HFM1: variants seen among roughly 807,000 people sequenced by gnomAD.
HFM1 encodes the protein probable ATP-dependent DNA helicase HFM1.
Under a neutral mutation model 192.1 loss-of-function variants are expected in HFM1, and 169 were observed. The ratio of observed to expected loss-of-function variants is 0.88; its 90% CI spans 0.78 to 1.00. HFM1 has a LOEUF of 1.00. Among genes scored for constraint, HFM1 ranks in the 50% least tolerant of loss-of-function variants. The probability of loss-of-function intolerance (pLI) is 0.00; values close to 1 mark genes in which losing one functional copy is unlikely to be tolerated. For missense variants in HFM1, 1,661 were observed against 1,668.0 expected (o/e 1.00, Z 0.07); for synonymous variants, 525 against 537.8 (o/e 0.98, Z 0.33).
intron 4 of HFM1, among the ~76,000 whole-genome samples, chr1:91,392,823 T>C (rs1663175355): frequency 6.6e-6 from 1 of 152,146 alleles, no homozygotes. Flanking sequence ...AATAGCCATA[T>C]TTTGTATAAT....
chr1:91,385,370 C>A (rs1172781236), intron 5 of HFM1, 136 bp from the exon 6 acceptor site: 2 of 755,388 alleles, frequency 2.6e-6, no homozygotes. Flanking sequence ...TTATTGAGAG[C>A]AAAGTTAAAA....
At chr1:91,261,586 T>A in intron 38 of HFM1, 1 of 300,292 alleles carries the variant, frequency 3.3e-6, no homozygotes, top group Non-Finnish European at 6.1e-6. Flanking sequence ...TTTCTTTAAA[T>A]ATATTGAAAA....
At chr1:91,383,746 T>C (rs752947200) in intron 6 of HFM1, among the ~76,000 whole-genome samples, 16 of 152,198 alleles carry the variant, frequency 1.1e-4, no homozygotes, top group Non-Finnish European at 1.8e-4. Context: ...TCCTAAAGCA[T>C]AGTTTAAATG....
At chr1:91,404,874 C>G (rs1008345164), upstream of HFM1, 1 of 455,354 alleles carries the variant, frequency 2.2e-6, no homozygotes, top group African/African-American at 2.0e-5. Context: ...CTGGCTAAGC[C>G]GAGCTCCAAG....
intron 30 of HFM1, among the ~76,000 whole-genome samples, chr1:91,301,022 A>T (rs1282961326): frequency 6.6e-6 from 1 of 151,810 alleles, no homozygotes; most frequent in Non-Finnish European, 1.5e-5. Flanking sequence ...ACATGATTGT[A>T]TATCTAGAAA....
intron 20 of HFM1, chr1:91,338,997 A>T: frequency 2.2e-6 from 1 of 455,848 alleles, no homozygotes; most frequent in South Asian, 1.5e-5. Context: ...GCAGCCCAGG[A>T]GCACTGAGCT....
At chr1:91,338,881 C>G (rs1654956818) in intron 20 of HFM1, 1 of 455,380 alleles carries the variant, frequency 2.2e-6, no homozygotes, top group Non-Finnish European at 4.4e-6. Flanking sequence ...TAACCTTCTG[C>G]CACTGCCCCA....
At chr1:91,376,552 T>G (rs1660933075) in intron 11 of HFM1, among the ~76,000 whole-genome samples, 1 of 151,896 alleles carries the variant, frequency 6.6e-6, no homozygotes, top group Admixed American at 6.6e-5. Flanking sequence ...TACTAGTACA[T>G]AATAATTGCT....
intron 13 of HFM1, among the ~76,000 whole-genome samples, chr1:91,353,784 C>CA (rs1385335369): frequency 6.6e-6 from 1 of 150,448 alleles, no homozygotes; most frequent in Non-Finnish European, 1.5e-5. Context: ...ATCTTCCCCA[C>CA]AAAAAAGAGC....
intron 20 of HFM1, among the ~76,000 whole-genome samples, chr1:91,335,921 A>C (rs2101575522): frequency 6.6e-6 from 1 of 152,090 alleles, no homozygotes; most frequent in South Asian, 2.1e-4. Context: ...ACTTTGCCAA[A>C]TGTTCTTAGG....
chr1:91,328,519 C>T, intron 20 of HFM1: 27 of 1,613,278 alleles, frequency 1.7e-5, no homozygotes, highest in Non-Finnish European at 2.1e-5. Context: ...GATTGCTGTT[C>T]GCCAGGGTGG....
chr1:91,294,046 T>C, intron 30 of HFM1, among the ~76,000 whole-genome samples: 1 of 91,782 alleles, frequency 1.1e-5, no homozygotes. Context: ...CTGGGGACTG[T>C]GGTGGGGTGG....
intron 13 of HFM1, among the ~76,000 whole-genome samples, chr1:91,363,240 T>C (rs979426724): frequency 3.4e-4 from 51 of 151,638 alleles, no homozygotes; most frequent in African/African-American, 8.7e-4. Context: ...TGAGAGTAAA[T>C]AGACAACCCA....
At position 91,326,049 on chromosome 1, in the gene HFM1, A is replaced by T. The variant is rs1205048563; in HGVS notation, c.2336-1283T>A. ...AGTGAGCTTGAAGACAGGATATTTG[A>T]AAATACATAGTCAGAGGAGACAAAA... is the stretch of plus-strand genomic sequence containing the variant. On this transcript the variant is annotated intron_variant, in intron 20 of 38. Coordinates refer to ENST00000370425, the MANE Select transcript of HFM1 (RefSeq NM_001017975.6). Among the ~76,000 whole-genome samples, 3 of 152,228 alleles carry T rather than the reference A, an allele frequency of 2.0e-5. No homozygotes were observed. In the East Asian group the frequency reaches 5.8e-4, roughly 29 times the overall value.
At chr1:91,287,132 G>T (rs1366390270) in intron 30 of HFM1, among the ~76,000 whole-genome samples, 1 of 152,216 alleles carries the variant, frequency 6.6e-6, no homozygotes, top group Admixed American at 6.5e-5. Context: ...AAAGCAGCCG[G>T]GAAGCTCGAA....
chr1:91,316,576 T>A (rs919150991), intron 25 of HFM1, 100 bp from the exon 26 acceptor site: 1 of 462,204 alleles, frequency 2.2e-6, no homozygotes, highest in Non-Finnish European at 3.6e-6. Context: ...AAAAAAATTT[T>A]AAGATCCAGT....
chr1:91,281,657 T>G (rs1667471650), intron 30 of HFM1, among the ~76,000 whole-genome samples: 1 of 152,248 alleles, frequency 6.6e-6, no homozygotes, highest in Admixed American at 6.5e-5. Flanking sequence ...TTATATTACT[T>G]TCATACTTAG....
chr1:91,291,815 C>T (rs1570812425), intron 30 of HFM1, among the ~76,000 whole-genome samples: 1 of 152,130 alleles, frequency 6.6e-6, no homozygotes, highest in East Asian at 1.9e-4. Context: ...AAAATACTGG[C>T]AAACCGAATC....
rs1660801885 is a variant in HFM1 at position 91,375,517 on chromosome 1, C to A, written c.1596+10G>T. 3 of 1,611,782 alleles carry A rather than the reference C, an allele frequency of 1.9e-6. No homozygotes were observed. Among genetic ancestry groups the A allele is most frequent in the Non-Finnish European group, 2.5e-6 (3 of 1,178,216 alleles). ...AATATACTAAAAAATAAGCTATCAA[C>A]AATCCATACCACAAGTGTGGGTTTC... On this transcript the variant is annotated intron_variant, in intron 12 of 38. Coordinates refer to ENST00000370425, the MANE Select transcript of HFM1 (RefSeq NM_001017975.6).
Sources: allele counts gnomAD v4.1 joint callset (sites outside exome capture counted in the v4.1 genomes callset), GRCh38; gene constraint gnomAD v4.1.1; transcripts MANE v1.5; gene names NCBI Gene and HGNC (gene_info 2026-07-23, HGNC 2026-07-21).